MYOF: variants seen among roughly 807,000 people sequenced by gnomAD.
MYOF encodes the protein myoferlin.
A neutral mutation model predicts 284.2 loss-of-function variants in MYOF; 244 were observed. The observed-to-expected ratio is 0.86, with a 90% CI of 0.77 to 0.95. The LOEUF (loss-of-function observed/expected upper bound fraction) is 0.95. MYOF is among the 40% of genes least tolerant of loss of function. The pLI is 0.00. For synonymous variants in MYOF, 904 were observed against 919.7 expected (o/e 0.98, Z 0.31); for missense variants, 2,496 against 2,560.6 (o/e 0.97, Z 0.54).
chr10:93,387,355 T>C (rs187210789), intron 19 of MYOF, among the ~76,000 whole-genome samples: 1 of 152,252 alleles, frequency 6.6e-6, no homozygotes, highest in East Asian at 1.9e-4. Flanking sequence ...TCAGAAATGG[T>C]TGGGGAAGTC....
intron 1 of MYOF, among the ~76,000 whole-genome samples, chr10:93,471,904 G>C (rs1401526133): frequency 6.7e-6 from 1 of 149,434 alleles, no homozygotes; most frequent in East Asian, 2.0e-4. Flanking sequence ...AAAAAAAAAA[G>C]GCTCGGCACG....
chr10:93,311,404 G>A (rs889886362), intron 51 of MYOF, among the ~76,000 whole-genome samples: 4 of 149,190 alleles, frequency 2.7e-5, no homozygotes, highest in Non-Finnish European at 4.4e-5. Flanking sequence ...GAGGTCAGGA[G>A]TTCAAGACCA....
At chr10:93,358,990 TAGATTATTTACTGGG>T (rs1309619091) in intron 29 of MYOF, among the ~76,000 whole-genome samples, 1 of 152,154 alleles carries the variant, frequency 6.6e-6, no homozygotes, top group Non-Finnish European at 1.5e-5. Context: ...TTTATTTGAC[TAGATTATTTACTGGG>T]AGCATATTTC....
At chr10:93,362,798 G>T (rs1377257457) in intron 27 of MYOF, among the ~76,000 whole-genome samples, 2 of 152,066 alleles carry the variant, frequency 1.3e-5, no homozygotes, top group African/African-American at 4.8e-5. Flanking sequence ...ATTATAAAGC[G>T]GGATGATGAA....
intron 19 of MYOF, among the ~76,000 whole-genome samples, chr10:93,386,430 T>C (rs1439562079): frequency 1.3e-5 from 2 of 152,204 alleles, no homozygotes; most frequent in Non-Finnish European, 2.9e-5. Flanking sequence ...ACAAAACAAA[T>C]GATCATCTTT....
At chr10:93,408,030 C>G (rs1847696350) in intron 7 of MYOF, among the ~76,000 whole-genome samples, 1 of 152,074 alleles carries the variant, frequency 6.6e-6, no homozygotes, top group Admixed American at 6.5e-5. Context: ...GAACCACTGA[C>G]AGAGGGGACC....
At chr10:93,398,937 T>A (rs955662396) in intron 13 of MYOF, among the ~76,000 whole-genome samples, 7 of 149,878 alleles carry the variant, frequency 4.7e-5, no homozygotes, top group African/African-American at 1.7e-4. Flanking sequence ...TTCAGGGGAG[T>A]GGGATGGGGC....
At chr10:93,330,842 T>G (rs1843264333) in intron 43 of MYOF, among the ~76,000 whole-genome samples, 1 of 152,242 alleles carries the variant, frequency 6.6e-6, no homozygotes, top group African/African-American at 2.4e-5. Context: ...GTTGATCCAT[T>G]TGAGCAGAAA....
intron 20 of MYOF, 70 bp from the exon 21 acceptor site, chr10:93,380,057 G>A: frequency 1.9e-6 from 3 of 1,555,096 alleles, no homozygotes; most frequent in Non-Finnish European, 2.6e-6. Context: ...TTAAAGAGAT[G>A]TGCAGACTGA....
chr10:93,322,778 G>A (rs80008887), intron 48 of MYOF, among the ~76,000 whole-genome samples: 106 of 152,220 alleles, frequency 7.0e-4, no homozygotes, highest in Non-Finnish European at 1.3e-3. Context: ...TGGCTAAAAC[G>A]TCCCAGAAAT....
rs1254031760 is a variant in MYOF, at chr10:93,340,218, T to C, written c.4327-54A>G. 3 of 1,599,564 alleles carry C rather than the reference T, an allele frequency of 1.9e-6. No individual in the cohort carries two copies. The South Asian group carries it at 3.3e-5, about 18-fold the overall frequency. Reference sequence around the variant, plus strand: ...AGGGCAAACCATATAACAGGTCACATAGATATGGAGACCCCAGGAACATGA... The same window carrying C: ...AGGGCAAACCATATAACAGGTCACACAGATATGGAGACCCCAGGAACATGA... On this transcript the variant is annotated intron_variant, in intron 38 of 53. Coordinates refer to ENST00000359263, the MANE Select transcript of MYOF (RefSeq NM_013451.4).
chr10:93,364,160 C>T, intron 26 of MYOF, 85 bp from the exon 27 acceptor site: 2 of 1,142,538 alleles, frequency 1.8e-6, no homozygotes, highest in Non-Finnish European at 1.3e-6. Context: ...GAAGCATCTA[C>T]ACCCTGGGAG....
At chr10:93,332,019 C>A (rs1843329571) in intron 43 of MYOF, among the ~76,000 whole-genome samples, 1 of 152,116 alleles carries the variant, frequency 6.6e-6, no homozygotes, top group Non-Finnish European at 1.5e-5. Context: ...TTGGAGTCAG[C>A]AGAATTTCTA....
chr10:93,457,143 C>T (rs1187991221), intron 1 of MYOF, among the ~76,000 whole-genome samples: 2 of 152,192 alleles, frequency 1.3e-5, no homozygotes, highest in Non-Finnish European at 2.9e-5. Context: ...ATCTCCAGGT[C>T]TACATGGAGT....
chr10:93,339,367 T>TTGTGTGTA (rs1843770809), intron 39 of MYOF, among the ~76,000 whole-genome samples: 1 of 150,226 alleles, frequency 6.7e-6, no homozygotes, highest in Admixed American at 6.6e-5. Context: ...TGCTTCTTAT[T>TTGTGTGTA]TGTGTGTGTG....
chr10:93,412,561 C>T (rs886948002), intron 5 of MYOF, among the ~76,000 whole-genome samples: 1 of 152,134 alleles, frequency 6.6e-6, no homozygotes. Context: ...TCTCTCCTAC[C>T]CGCCACACAT....
chr10:93,469,292 T>A (rs1448475907), intron 1 of MYOF, among the ~76,000 whole-genome samples: 1 of 151,952 alleles, frequency 6.6e-6, no homozygotes, highest in Non-Finnish European at 1.5e-5. Context: ...TCCCAGCTAC[T>A]TGGGAGGCTG....
At chr10:93,388,020 C>A in intron 18 of MYOF, 107 bp from the exon 19 acceptor site, 1 of 809,568 alleles carries the variant, frequency 1.2e-6, no homozygotes, top group Non-Finnish European at 2.1e-6. Context: ...CTTCCCATGG[C>A]CCTAACCTTC....
At chr10:93,443,598 G>C (rs2056341693) in intron 3 of MYOF, among the ~76,000 whole-genome samples, 1 of 152,002 alleles carries the variant, frequency 6.6e-6, no homozygotes, top group Non-Finnish European at 1.5e-5. Context: ...AACTCTGGGA[G>C]ACAACAAGGA....
Sources: allele counts gnomAD v4.1 joint callset (sites outside exome capture counted in the v4.1 genomes callset), GRCh38; gene constraint gnomAD v4.1.1; transcripts MANE v1.5; gene names NCBI Gene and HGNC (gene_info 2026-07-23, HGNC 2026-07-21).